Variants in TNFRSF19 observed in about 807,000 individuals in gnomAD.
TNFRSF19 encodes the protein tumor necrosis factor receptor superfamily member 19.
Under a neutral mutation model 46.4 loss-of-function variants are expected in TNFRSF19, and 27 were observed. The ratio of observed to expected loss-of-function variants is 0.58; its 90% confidence interval spans 0.43 to 0.80. The LOEUF (loss-of-function observed/expected upper bound fraction) is 0.80, where lower values mean the gene tolerates loss of function less well. Ranked by LOEUF, TNFRSF19 falls within the 30% of genes least tolerant of loss-of-function variation. The pLI, the probability that TNFRSF19 is intolerant of heterozygous loss-of-function variation, is 0.00. For missense variants in TNFRSF19, 511 were observed against 530.8 expected (o/e 0.96, Z 0.37); for synonymous variants, 204 against 205.0 (o/e 1.00, Z 0.04).
At chr13:23,638,493 G>A (rs1174711361) in intron 5 of TNFRSF19, among the ~76,000 whole-genome samples, 3 of 152,040 alleles carry the variant, frequency 2.0e-5, no homozygotes, top group South Asian at 2.1e-4. Flanking sequence ...TTGCTTTTTC[G>A]GTCTTCTTTT....
chr13:23,618,376 G>A (rs1441053943), intron 4 of TNFRSF19, among the ~76,000 whole-genome samples: 1 of 152,148 alleles, frequency 6.6e-6, no homozygotes, highest in Non-Finnish European at 1.5e-5. Context: ...ATATACAAAT[G>A]TCCAATAAGC....
intron 3 of TNFRSF19, among the ~76,000 whole-genome samples, chr13:23,596,660 T>G (rs1480879524): frequency 6.6e-6 from 1 of 152,144 alleles, no homozygotes; most frequent in Non-Finnish European, 1.5e-5. Flanking sequence ...AGTGGGAGAC[T>G]TTAACACCCC....
chr13:23,654,786 T>C (rs748566643), intron 5 of TNFRSF19, among the ~76,000 whole-genome samples: 8 of 152,190 alleles, frequency 5.3e-5, no homozygotes, highest in Non-Finnish European at 1.2e-4. Flanking sequence ...AGCATGTGAC[T>C]CAAGGTCTTG....
At chr13:23,573,131 T>G (rs1172470027) in intron 1 of TNFRSF19, among the ~76,000 whole-genome samples, 1 of 152,236 alleles carries the variant, frequency 6.6e-6, no homozygotes, top group Non-Finnish European at 1.5e-5. Flanking sequence ...CATGGCTGAT[T>G]TTCCCAGTTC....
chr13:23,672,532 G>C (rs1326539147), intron 9 of TNFRSF19, among the ~76,000 whole-genome samples: 2 of 152,160 alleles, frequency 1.3e-5, no homozygotes, highest in African/African-American at 4.8e-5. Flanking sequence ...GGTTCATGTA[G>C]TTATTATAAT....
At chr13:23,634,342 C>T (rs138968416) in intron 5 of TNFRSF19, among the ~76,000 whole-genome samples, 1 of 152,186 alleles carries the variant, frequency 6.6e-6, no homozygotes, top group Non-Finnish European at 1.5e-5. Flanking sequence ...TACCCAGTCA[C>T]CAATAAATCG....
intron 9 of TNFRSF19, 91 bp from the exon 10 acceptor site, chr13:23,673,281 A>T: frequency 7.0e-7 from 1 of 1,419,778 alleles, no homozygotes; most frequent in Non-Finnish European, 9.5e-7. Flanking sequence ...TACTAGTAAA[A>T]GTTATGCATA....
At chr13:23,623,669 G>A (rs1194152696) in intron 4 of TNFRSF19, among the ~76,000 whole-genome samples, 2 of 152,068 alleles carry the variant, frequency 1.3e-5, no homozygotes, top group African/African-American at 2.4e-5. Flanking sequence ...ATGGGTGTGA[G>A]GTGATATCTC....
chr13:23,657,275 T>C (rs187418024), intron 5 of TNFRSF19, among the ~76,000 whole-genome samples: 54 of 152,260 alleles, frequency 3.5e-4, no homozygotes, highest in Non-Finnish European at 7.1e-4. Context: ...TATGATTCAG[T>C]AATATTAACC....
rs527554361 is a variant in TNFRSF19 at position 23,585,849 on chromosome 13, C to A, written c.-34-4301C>A. ...TCCTTCCGTGTAAGGGACAACTGAT[C>A]ATTAGCTCTAGCTCATATTGCTTTG... On this transcript the variant is annotated intron_variant, in intron 1 of 9. Transcript: ENST00000248484. 2.8e-4 allele frequency among the ~76,000 whole-genome samples: 42 copies of A among 152,260 alleles called. No individual in the cohort carries two copies. In the South Asian group the frequency reaches 7.9e-3, roughly 29 times the overall value.
chr13:23,666,617 A>T (rs1951637951), intron 7 of TNFRSF19, among the ~76,000 whole-genome samples: 1 of 152,192 alleles, frequency 6.6e-6, no homozygotes. Flanking sequence ...AAGAAGTCCC[A>T]GGTTTATCGT....
intron 3 of TNFRSF19, among the ~76,000 whole-genome samples, chr13:23,608,858 G>C (rs747948250): frequency 1.3e-5 from 2 of 152,134 alleles, no homozygotes; most frequent in African/African-American, 4.8e-5. Context: ...CATGCACTGC[G>C]GGAGCTGCCT....
chr13:23,661,230 T>C (rs538781298), intron 7 of TNFRSF19, among the ~76,000 whole-genome samples: 1 of 152,318 alleles, frequency 6.6e-6, no homozygotes, highest in South Asian at 2.1e-4. Flanking sequence ...TGTGTGTTGT[T>C]CCCTTCTTTG....
At chr13:23,573,014 G>GATCAC (rs201842566) in intron 1 of TNFRSF19, among the ~76,000 whole-genome samples, 2,175 of 152,304 alleles carry the variant, frequency 0.014, 32 homozygotes, top group Non-Finnish European at 0.022. Flanking sequence ...TGAGGGAGTT[G>GATCAC]ATCACATCAT....
chr13:23,667,087 C>CT (rs1951649122), intron 7 of TNFRSF19, among the ~76,000 whole-genome samples: 1 of 143,118 alleles, frequency 7.0e-6, no homozygotes, highest in South Asian at 2.2e-4. Context: ...TGTGTGTGTG[C>CT]TTTAGTGTGT....
intron 4 of TNFRSF19, among the ~76,000 whole-genome samples, chr13:23,620,348 C>T (rs964932381): frequency 5.3e-5 from 8 of 152,228 alleles, no homozygotes; most frequent in African/African-American, 1.9e-4. Context: ...GCCTCATTCT[C>T]TAGCAAGAAC....
chr13:23,620,081 T>C (rs1450501552), intron 4 of TNFRSF19, among the ~76,000 whole-genome samples: 4 of 152,254 alleles, frequency 2.6e-5, no homozygotes, highest in Non-Finnish European at 4.4e-5. Flanking sequence ...TCCCATTTTT[T>C]TCTAAGTCAG....
intron 1 of TNFRSF19, among the ~76,000 whole-genome samples, chr13:23,583,521 T>A (rs1878611103): frequency 6.6e-6 from 1 of 152,226 alleles, no homozygotes; most frequent in Non-Finnish European, 1.5e-5. Context: ...TTATTTACCT[T>A]TTAAACTGAA....
At chr13:23,669,528 C>CT (rs1951719341) in intron 9 of TNFRSF19, 1 of 985,182 alleles carries the variant, frequency 1.0e-6, no homozygotes, top group African/African-American at 1.7e-5. Context: ...TTTTGGTCTC[C>CT]TAAAGCTGCT....
Sources: gnomAD v4.1 joint callset for allele counts (sites outside exome capture counted in the v4.1 genomes callset) on GRCh38, gnomAD v4.1.1 for gene constraint, MANE v1.5 for transcripts, NCBI Gene and HGNC (gene_info 2026-07-23, HGNC 2026-07-21) for gene names.